DNM3: variants seen among roughly 807,000 people sequenced by gnomAD.
DNM3 encodes dynamin 3.
Under a neutral mutation model 101.6 loss-of-function variants are expected in DNM3, and 47 were observed. The ratio of observed to expected loss-of-function variants is 0.46; its 90% CI spans 0.37 to 0.59. The LOEUF is 0.59. Ranked by LOEUF, DNM3 falls within the 20% of genes least tolerant of loss-of-function variation. The pLI is 0.00. For missense variants in DNM3, 849 were observed against 1,085.7 expected (o/e 0.78, Z 3.06); for synonymous variants, 385 against 387.9 (o/e 0.99, Z 0.09).
rs577818725 is a variant in DNM3, at chr1:171,892,641, T to G, written c.162-29107T>G. ...AATTGTTCATTTATGTATACATGTA[T>G]AACAGTATCAGAATTAACTGGTATC... On this transcript the variant is annotated intron_variant, in intron 1 of 20. Transcript: ENST00000627582. 3.0e-4 allele frequency among the ~76,000 whole-genome samples: 46 copies of G among 152,336 alleles called. 1 individual carries two copies. In the South Asian group the frequency reaches 3.9e-3, roughly 13 times the overall value.
intron 14 of DNM3, among the ~76,000 whole-genome samples, chr1:172,217,595 A>G (rs2060750768): frequency 2.6e-5 from 4 of 152,142 alleles, no homozygotes; most frequent in South Asian, 4.1e-4. Flanking sequence ...TGTTGTTTCT[A>G]TTCTCAAACT....
intron 4 of DNM3, among the ~76,000 whole-genome samples, chr1:172,011,325 C>G (rs1302216566): frequency 2.0e-5 from 3 of 151,878 alleles, no homozygotes; most frequent in Non-Finnish European, 4.4e-5. Context: ...CTTTTGTAAC[C>G]TGTATACCAT....
At chr1:172,084,013 C>T (rs1276597946) in intron 12 of DNM3, among the ~76,000 whole-genome samples, 2 of 152,172 alleles carry the variant, frequency 1.3e-5, no homozygotes, top group Non-Finnish European at 2.9e-5. Context: ...AGCAACTCTA[C>T]ACATTTCTCA....
chr1:172,297,705 TC>T lies in DNM3; in HGVS notation c.1770-11022del, dbSNP rs1455602958. On this transcript the variant is annotated intron_variant, in intron 15 of 20. Coordinates refer to ENST00000627582, the MANE Select transcript of DNM3 (RefSeq NM_015569.5). ...TTCTAAATAATTTTTACTTTTGGTT[TC>T]TTCTGTCATACAAGGTTTATCTGGG... Among the ~76,000 whole-genome samples the T allele has an allele frequency of 2.0e-5, 3 of 152,272 alleles. No homozygotes were observed. In the East Asian group the frequency reaches 5.8e-4, roughly 29 times the overall value.
chr1:172,359,712 G>A (rs561247799), intron 17 of DNM3, among the ~76,000 whole-genome samples: 27 of 151,892 alleles, frequency 1.8e-4, no homozygotes, highest in Non-Finnish European at 3.5e-4. Context: ...TTTAAGTGTG[G>A]GCTATTTGTA....
chr1:172,149,272 T>G (rs1395714280), intron 14 of DNM3, among the ~76,000 whole-genome samples: 1 of 152,184 alleles, frequency 6.6e-6, no homozygotes, highest in Non-Finnish European at 1.5e-5. Context: ...AGAAAGATAA[T>G]GTTACGTCTT....
chr1:171,859,124 T>TTC (rs558103557), intron 1 of DNM3, among the ~76,000 whole-genome samples: 93 of 152,314 alleles, frequency 6.1e-4, no homozygotes, highest in Middle Eastern at 3.4e-3. Context: ...GTAGCCCAGC[T>TTC]TCTCCAGGTT....
intron 9 of DNM3, 65 bp downstream of exon 9, chr1:172,044,517 T>C: frequency 1.5e-6 from 2 of 1,378,674 alleles, no homozygotes; most frequent in African/African-American, 1.4e-5. Context: ...TGTTTATAAA[T>C]GGCTAGGAAA....
At chr1:172,163,568 C>G (rs60183508) in intron 14 of DNM3, among the ~76,000 whole-genome samples, 32,153 of 151,832 alleles carry the variant, frequency 0.21, 5,127 homozygotes, top group African/African-American at 0.45. Flanking sequence ...CCATGCTGTA[C>G]AGTAGGTTTC....
intron 15 of DNM3, among the ~76,000 whole-genome samples, chr1:172,282,359 A>G (rs902201135): frequency 6.6e-6 from 1 of 152,150 alleles, no homozygotes; most frequent in Non-Finnish European, 1.5e-5. Flanking sequence ...CATTATTTCA[A>G]ATTCTTAAAA....
chr1:172,284,528 CT>C (rs1459433913), intron 15 of DNM3, among the ~76,000 whole-genome samples: 1 of 152,132 alleles, frequency 6.6e-6, no homozygotes, highest in Non-Finnish European at 1.5e-5. Context: ...CTATGTACCC[CT>C]AAGGGCCTAG....
intron 14 of DNM3, among the ~76,000 whole-genome samples, chr1:172,183,913 G>GT (rs879338013): frequency 0.025 from 3,439 of 139,078 alleles, 112 homozygotes; most frequent in African/African-American, 0.077. Flanking sequence ...TGGCTTCAAA[G>GT]TTTTTTTTTT....
chr1:171,894,751 A>G (rs75298575), intron 1 of DNM3, among the ~76,000 whole-genome samples: 17,504 of 151,962 alleles, frequency 0.12, 1,196 homozygotes, highest in South Asian at 0.23. Flanking sequence ...CGACTCCCCC[A>G]GCAGGCCCTG....
At chr1:172,398,222 A>T (rs2070174276) in intron 20 of DNM3, among the ~76,000 whole-genome samples, 2 of 152,160 alleles carry the variant, frequency 1.3e-5, no homozygotes, top group Admixed American at 6.5e-5. Flanking sequence ...CTGCATTGTC[A>T]TTGCACTCTA....
At chr1:172,095,186 T>A (rs2054164011) in intron 13 of DNM3, among the ~76,000 whole-genome samples, 1 of 152,194 alleles carries the variant, frequency 6.6e-6, no homozygotes, top group African/African-American at 2.4e-5. Flanking sequence ...TTTTGGACTT[T>A]ATTAACTGTA....
intron 14 of DNM3, among the ~76,000 whole-genome samples, chr1:172,206,782 G>A (rs1354866641): frequency 6.6e-6 from 1 of 152,068 alleles, no homozygotes; most frequent in Admixed American, 6.6e-5. Context: ...TTTATACTTT[G>A]AGAACTGCTG....
intron 1 of DNM3, among the ~76,000 whole-genome samples, chr1:171,915,134 C>T (rs1255380515): frequency 1.3e-5 from 2 of 152,200 alleles, no homozygotes; most frequent in Non-Finnish European, 2.9e-5. Flanking sequence ...ACATAATGCA[C>T]ATTTGTTGAA....
chr1:172,100,155 C>T (rs2147871540), intron 13 of DNM3, among the ~76,000 whole-genome samples: 1 of 152,262 alleles, frequency 6.6e-6, no homozygotes, highest in African/African-American at 2.4e-5. Context: ...CATCCATGTG[C>T]CCACTATTGT....
intron 13 of DNM3, among the ~76,000 whole-genome samples, chr1:172,121,949 C>A (rs2056348277): frequency 6.6e-6 from 1 of 152,076 alleles, no homozygotes; most frequent in Non-Finnish European, 1.5e-5. Context: ...ACAGTGATTT[C>A]CCATATACTA....
Sources: allele counts gnomAD v4.1 joint callset (sites outside exome capture counted in the v4.1 genomes callset), GRCh38; gene constraint gnomAD v4.1.1; transcripts MANE v1.5; gene names NCBI Gene and HGNC (gene_info 2026-07-23, HGNC 2026-07-21).